The following PCNX2 variants were observed in gnomAD, a reference collection of about 807,000 sequenced individuals.
PCNX2 encodes pecanex 2, also known as pecanex-like protein 2.
Under a neutral mutation model 223.8 loss-of-function variants are expected in PCNX2, and 168 were observed. The ratio of observed to expected loss-of-function variants is 0.75; its 90% confidence interval spans 0.66 to 0.85. PCNX2 has a LOEUF of 0.85. Ranked by LOEUF, PCNX2 falls within the 40% of genes least tolerant of loss-of-function variation. The pLI is 0.00. For synonymous variants in PCNX2, 1,006 were observed against 1,052.6 expected, an observed-to-expected ratio of 0.96 and a Z score of 0.86; for missense variants, 2,507 against 2,675.5, an observed-to-expected ratio of 0.94 and a Z score of 1.39.
At chr1:233,198,380 T>TA (rs1237065897) in intron 15 of PCNX2, among the ~76,000 whole-genome samples, 15 of 152,194 alleles carry the variant, frequency 9.9e-5, no homozygotes, top group African/African-American at 2.7e-4. Flanking sequence ...CTACAATAGA[T>TA]ACGTTTCTTG....
rs1000225465 is a variant in PCNX2 at position 233,179,300 on chromosome 1, T to C, written c.3067-125A>G. The C allele has an allele frequency of 2.6e-5, 26 of 997,022 alleles. No homozygotes were observed. The African/African-American group carries it at 4.0e-4, about 15-fold the overall frequency. The allele number at this position is 997,022 out of a possible 1,614,324, so 61.8% of individuals were successfully genotyped here. On this transcript the variant is annotated intron_variant, in intron 15 of 33. Transcript: ENST00000258229. Reference sequence around the variant, plus strand: ...GATGAGTTATTCCCATGATTATTCCTGCCCACGGACATATAAGCATCTGGT... The same window carrying C: ...GATGAGTTATTCCCATGATTATTCCCGCCCACGGACATATAAGCATCTGGT...
In PCNX2 at chr1:233,025,173, T is replaced by G; in HGVS notation, c.4578A>C (p.Arg1526=). Residue 1526 remains arginine, a synonymous_variant, in exon 26 of 34, where the codon CGA becomes CGC. Coordinates refer to ENST00000258229, the MANE Select transcript of PCNX2 (RefSeq NM_014801.4). The part of the protein sequence containing the change: ...AATMLQVFDL[R]RILIRYYIKS... ...TGATGTAGTAGCGGATGAGGATCCT[T>G]CGGAGGTCAAACACCTGCAGCATGG... 6.2e-7 allele frequency: 1 copy of G among 1,613,988 alleles called. No homozygotes were observed.
chr1:233,074,168 T>C (rs974858454), intron 23 of PCNX2, among the ~76,000 whole-genome samples: 9 of 152,222 alleles, frequency 5.9e-5, no homozygotes, highest in African/African-American at 2.2e-4. Flanking sequence ...GAACATTCTT[T>C]GTATAATTTC....
At chr1:233,057,400 A>C in intron 23 of PCNX2, 110 bp from the exon 24 acceptor site, 5 of 789,120 alleles carry the variant, frequency 6.3e-6, no homozygotes, top group South Asian at 1.5e-5. Context: ...GACAGATCTC[A>C]CAGGTTAAGA....
intron 13 of PCNX2, among the ~76,000 whole-genome samples, chr1:233,203,953 C>T (rs375792369): frequency 4.8e-4 from 73 of 152,246 alleles, no homozygotes; most frequent in African/African-American, 1.6e-3. Context: ...AATAAATCGA[C>T]GGGAAAAAAT....
intron 21 of PCNX2, among the ~76,000 whole-genome samples, chr1:233,129,130 C>A (rs1315012585): frequency 7.2e-5 from 11 of 152,212 alleles, no homozygotes; most frequent in African/African-American, 1.9e-4. Flanking sequence ...GAGGGAGAGG[C>A]GTGGGCGGGA....
intron 8 of PCNX2, among the ~76,000 whole-genome samples, chr1:233,246,175 T>C (rs1293869963): frequency 6.6e-6 from 1 of 151,548 alleles, no homozygotes; most frequent in Non-Finnish European, 1.5e-5. Flanking sequence ...TCAGATGGGA[T>C]AAATGCCCTT....
Position 233,208,586 on chromosome 1 carries a change from C to T in PCNX2, c.2795G>A (p.Ser932Asn), listed in dbSNP as rs1572080334. The T allele has an allele frequency of 2.5e-6, 4 of 1,613,652 alleles. No individual in the cohort carries two copies. The highest frequency in any genetic ancestry group is 4.5e-5 in the East Asian group (2 of 44,846). ...GAGCTTCAGGCCATACACAACGTAA[C>T]TGGGAGGGTGCCTGGCTTTGGCCCC... ...DTGAKARHPPSYVVYGLKLFS... is the reference protein window; with the variant it reads ...DTGAKARHPPNYVVYGLKLFS... Residue 932 changes from serine (S) to asparagine (N), a missense_variant, in exon 13 of 34, where the codon AGT (serine) becomes AAT (asparagine). Ser to Asn is a conservative substitution (Grantham distance 46). Coordinates refer to ENST00000258229, the MANE Select transcript of PCNX2 (RefSeq NM_014801.4).
At chr1:232,999,440 T>C in intron 30 of PCNX2, 61 bp from the exon 31 acceptor site, 15 of 1,454,320 alleles carry the variant, frequency 1.0e-5, no homozygotes, top group Non-Finnish European at 1.1e-5. Context: ...AGTCTATTGG[T>C]TTTTTCTTTT....
Position 233,170,858 on chromosome 1 carries a change from A to G in PCNX2, c.3273+6944T>C, listed in dbSNP as rs1679107842. ...CATGCTTTGTTTCTATTCCTTTAGT[A>G]GTTGCACAAAACATTCCAACATGCA... On this transcript the variant is annotated intron_variant, in intron 17 of 33. Transcript: ENST00000258229. Among the ~76,000 whole-genome samples the G allele has an allele frequency of 2.0e-5, 3 of 152,288 alleles. No individual in the cohort carries two copies. The South Asian group carries it at 6.2e-4, about 32-fold the overall frequency.
chr1:233,197,733 A>G (rs565475917), intron 15 of PCNX2, among the ~76,000 whole-genome samples: 152 of 152,290 alleles, frequency 1.0e-3, no homozygotes, highest in South Asian at 1.9e-3. Context: ...AAAATGTTGA[A>G]TTCATTCTCT....
At chr1:233,035,816 C>T (rs184049290) in intron 25 of PCNX2, among the ~76,000 whole-genome samples, 18 of 152,266 alleles carry the variant, frequency 1.2e-4, no homozygotes, top group African/African-American at 3.6e-4. Context: ...TTCCACAGCC[C>T]AGAGTGCGCA....
At chr1:233,142,420 G>A (rs1677185672) in intron 19 of PCNX2, among the ~76,000 whole-genome samples, 1 of 152,126 alleles carries the variant, frequency 6.6e-6, no homozygotes. Flanking sequence ...GGCTCCTCCT[G>A]AAGCCAAGCT....
At chr1:233,082,059 C>T (rs1182275701) in intron 23 of PCNX2, among the ~76,000 whole-genome samples, 1 of 151,946 alleles carries the variant, frequency 6.6e-6, no homozygotes, top group Admixed American at 6.6e-5. Flanking sequence ...GAAGCATGTT[C>T]TGGGCTTGGA....
At chr1:233,068,543 A>G (rs1428158777) in intron 23 of PCNX2, among the ~76,000 whole-genome samples, 1 of 152,138 alleles carries the variant, frequency 6.6e-6, no homozygotes, top group Non-Finnish European at 1.5e-5. Flanking sequence ...TTCTAAGTGT[A>G]TATACAGAAA....
At chr1:233,262,910 G>C (rs780524260) in intron 2 of PCNX2, 48 bp downstream of exon 2, 15 of 1,572,462 alleles carry the variant, frequency 9.5e-6, no homozygotes, top group Non-Finnish European at 1.3e-5. Context: ...TTTTAATCAA[G>C]AGCAAAACAT....
intron 19 of PCNX2, among the ~76,000 whole-genome samples, chr1:233,143,249 T>C (rs1410263110): frequency 2.6e-5 from 4 of 152,178 alleles, no homozygotes; most frequent in African/African-American, 2.4e-5. Flanking sequence ...TCAGCTCTTC[T>C]CACTTCTCAT....
At chr1:233,111,006 T>C (rs1190436150) in intron 21 of PCNX2, among the ~76,000 whole-genome samples, 2 of 152,130 alleles carry the variant, frequency 1.3e-5, no homozygotes, top group Non-Finnish European at 2.9e-5. Context: ...AATAAAGAAG[T>C]AGTTCAAAGT....
chr1:233,215,200 G>T (rs77151152), intron 12 of PCNX2, among the ~76,000 whole-genome samples: 1,982 of 152,240 alleles, frequency 0.013, 23 homozygotes, highest in South Asian at 0.044. Flanking sequence ...CAAATGGGAG[G>T]TAATAAATCT....
Sources: allele counts gnomAD v4.1 joint callset (sites outside exome capture counted in the v4.1 genomes callset), GRCh38; gene constraint gnomAD v4.1.1; transcripts MANE v1.5; gene names NCBI Gene and HGNC (gene_info 2026-07-23, HGNC 2026-07-21).